Variants in CCDC178 observed in about 807,000 individuals in gnomAD.
CCDC178 encodes coiled-coil domain-containing protein 178.
In CCDC178, 126 loss-of-function variants were observed where a neutral mutation model predicts 117.4. That is an observed-to-expected ratio of 1.07 (90% CI 0.93 to 1.24). CCDC178 has a LOEUF of 1.24. Ranked by LOEUF, CCDC178 falls within the 50% of genes most tolerant of loss-of-function variation. The pLI is 0.00. For missense variants in CCDC178, 1,030 were observed against 986.9 expected (o/e 1.04, Z -0.59); for synonymous variants, 283 against 313.4 (o/e 0.90, Z 1.02).
intron 20 of CCDC178, among the ~76,000 whole-genome samples, chr18:33,094,783 A>G (rs2057518842): frequency 6.6e-6 from 1 of 152,016 alleles, no homozygotes; most frequent in South Asian, 2.1e-4. Flanking sequence ...CAAAAAAGCA[A>G]ATTGTGTAGT....
At chr18:33,240,775 T>C (rs1416725758) in intron 15 of CCDC178, among the ~76,000 whole-genome samples, 1 of 151,862 alleles carries the variant, frequency 6.6e-6, no homozygotes, top group East Asian at 1.9e-4. Flanking sequence ...TACTAACCTT[T>C]AAGGCAGAAT....
chr18:33,129,858 C>T (rs1485164421), intron 20 of CCDC178, among the ~76,000 whole-genome samples: 1 of 151,724 alleles, frequency 6.6e-6, no homozygotes, highest in African/African-American at 2.4e-5. Flanking sequence ...AATTTTTGTC[C>T]ATTGTTTTAT....
chr18:33,056,164 G>T (rs558337619), intron 21 of CCDC178, among the ~76,000 whole-genome samples: 37 of 152,280 alleles, frequency 2.4e-4, no homozygotes, highest in Non-Finnish European at 4.9e-4. Context: ...ACATGCTTAT[G>T]CTACTTACTA....
At chr18:33,192,477 T>C (rs2058870850) in intron 20 of CCDC178, among the ~76,000 whole-genome samples, 1 of 152,174 alleles carries the variant, frequency 6.6e-6, no homozygotes. Flanking sequence ...ATAATTCCAT[T>C]TTATATCAAA....
At chr18:33,174,725 C>G (rs990759221) in intron 20 of CCDC178, among the ~76,000 whole-genome samples, 6 of 152,102 alleles carry the variant, frequency 3.9e-5, no homozygotes, top group Non-Finnish European at 7.4e-5. Flanking sequence ...AGAACAAATA[C>G]TTTCTTTAAA....
Position 33,215,640 on chromosome 18 carries a change from A to T in CCDC178, c.1988T>A (p.Ile663Asn), listed in dbSNP as rs1431584784. The change falls in exon 19 of 23, where the codon ATT becomes AAT. Residue 663 changes from isoleucine to asparagine, a missense_variant. Coordinates refer to ENST00000383096, the MANE Select transcript of CCDC178 (RefSeq NM_001105528.4). ...DLEATKSKTM[I>N]FYAKINELNE... ...CAATTCATTTATTTTTGCATAAAAA[A>T]TCATTGTCTTACTTTTAGTTGCTTC... is the stretch of plus-strand genomic sequence containing the variant. The T allele has an allele frequency of 1.3e-6, 2 of 1,536,386 alleles. No homozygotes were observed. Among genetic ancestry groups the T allele is most frequent in the Admixed American group, 4.7e-5 (2 of 42,230 alleles).
At chr18:32,950,868 A>G (rs1358357399) in intron 22 of CCDC178, among the ~76,000 whole-genome samples, 2 of 152,254 alleles carry the variant, frequency 1.3e-5, no homozygotes, top group Non-Finnish European at 2.9e-5. Flanking sequence ...AGACTTCTAT[A>G]GCTAATACCT....
At position 33,117,141 on chromosome 18, in the gene CCDC178, T is replaced by C. The variant is rs166608; in HGVS notation, c.2239-24231A>G. Among the ~76,000 whole-genome samples, 3 of 152,120 alleles carry C rather than the reference T, an allele frequency of 2.0e-5. No homozygotes were observed. In the East Asian group the frequency reaches 5.8e-4, roughly 30 times the overall value. On this transcript the variant is annotated intron_variant, in intron 20 of 22. Transcript: ENST00000383096. ...AAGACAAATATGTATTGCCCATTCT[T>C]AATGGGCAAAAAATGAAGATATTTG...
In CCDC178 at chr18:33,053,917, C is replaced by A. The variant is rs149973976; in HGVS notation, c.2388+38844G>T. Among the ~76,000 whole-genome samples the A allele has an allele frequency of 1.1e-3, 170 of 152,186 alleles. 1 individual carries two copies. Among genetic ancestry groups the A allele is most frequent in the Middle Eastern group, 3.4e-3 (1 of 294 alleles). ...ATAATATTATACAAAATAATAAGTACATAAAATCCTTATAATGTAATGGTA... is the reference window on the plus strand; with the variant it reads ...ATAATATTATACAAAATAATAAGTAAATAAAATCCTTATAATGTAATGGTA... On this transcript the variant is annotated intron_variant, in intron 21 of 22. Coordinates refer to ENST00000383096, the MANE Select transcript of CCDC178 (RefSeq NM_001105528.4).
At chr18:33,307,693 T>C (rs72948846) in intron 11 of CCDC178, among the ~76,000 whole-genome samples, 2,617 of 152,280 alleles carry the variant, frequency 0.017, 31 homozygotes, top group South Asian at 0.031. Flanking sequence ...AAAAACGGTC[T>C]TGTAGGCAGT....
chr18:33,107,839 A>G (rs191254239), intron 20 of CCDC178, among the ~76,000 whole-genome samples: 11 of 151,834 alleles, frequency 7.2e-5, no homozygotes, highest in Middle Eastern at 3.4e-3. Flanking sequence ...AAAGTACACT[A>G]TCATAAGGGT....
chr18:33,332,435 C>A (rs1230386638), intron 10 of CCDC178, among the ~76,000 whole-genome samples: 1 of 151,884 alleles, frequency 6.6e-6, no homozygotes, highest in Non-Finnish European at 1.5e-5. Context: ...AGTTAAATAT[C>A]TAATTAACCT....
At chr18:33,250,115 A>C (rs962614604) in intron 14 of CCDC178, among the ~76,000 whole-genome samples, 1 of 151,824 alleles carries the variant, frequency 6.6e-6, no homozygotes, top group South Asian at 2.1e-4. Flanking sequence ...GAAAGTGAAC[A>C]AAAAGGATAA....
intron 20 of CCDC178, among the ~76,000 whole-genome samples, chr18:33,138,220 T>A (rs1353087872): frequency 1.3e-5 from 2 of 152,222 alleles, no homozygotes; most frequent in East Asian, 1.9e-4. Context: ...TTGCTGAAGA[T>A]CAGTTACTTA....
intron 21 of CCDC178, among the ~76,000 whole-genome samples, chr18:33,011,767 CAAAAAAAAAAAAAAAAAAAAAAAAAAA>C (rs71177899): frequency 0.37 from 11,076 of 30,242 alleles, 693 homozygotes; most frequent in Middle Eastern, 0.5. Flanking sequence ...GAGCAGAATG[CAAAAAAAAAAAAAAAAAAAAAAAAAAA>C]AAAAAAAAAA....
intron 20 of CCDC178, among the ~76,000 whole-genome samples, chr18:33,095,223 T>A (rs2057525220): frequency 6.6e-6 from 1 of 151,950 alleles, no homozygotes; most frequent in Non-Finnish European, 1.5e-5. Flanking sequence ...AAAGACAGAT[T>A]TATTGTTTTT....
chr18:33,328,196 G>A (rs927850589), intron 10 of CCDC178: 13 of 253,484 alleles, frequency 5.1e-5, no homozygotes, highest in East Asian at 1.6e-4. Flanking sequence ...CCGCCCCACC[G>A]GGCTCAAGCG....
At position 33,007,018 on chromosome 18, in the gene CCDC178, G is replaced by T. The variant is rs571627645; in HGVS notation, c.2389-32337C>A. 3.0e-4 allele frequency among the ~76,000 whole-genome samples: 46 copies of T among 152,140 alleles called. 1 individual carries two copies. Among genetic ancestry groups the T allele is most frequent in the Middle Eastern group, 3.4e-3 (1 of 294 alleles). On this transcript the variant is annotated intron_variant, in intron 21 of 22. Coordinates refer to ENST00000383096, the MANE Select transcript of CCDC178 (RefSeq NM_001105528.4). Reference sequence around the variant, plus strand: ...ACTCTGTTTATGTATCTGATATGTGGAAATTGTGAGTTAATGAATGTATTA... The same window carrying T: ...ACTCTGTTTATGTATCTGATATGTGTAAATTGTGAGTTAATGAATGTATTA...
At chr18:33,392,855 A>T (rs1477327648) in intron 4 of CCDC178, among the ~76,000 whole-genome samples, 1 of 152,178 alleles carries the variant, frequency 6.6e-6, no homozygotes, top group Admixed American at 6.6e-5. Context: ...TCTCTAAAAA[A>T]TAAAATAAAT....
Sources: gnomAD v4.1 joint callset for allele counts (sites outside exome capture counted in the v4.1 genomes callset) on GRCh38, gnomAD v4.1.1 for gene constraint, MANE v1.5 for transcripts, NCBI Gene and HGNC (gene_info 2026-07-23, HGNC 2026-07-21) for gene names.